CCDC102B: variants seen among roughly 807,000 people sequenced by gnomAD.
The protein encoded by CCDC102B is coiled-coil domain containing 102B.
Under a neutral mutation model 57.4 loss-of-function variants are expected in CCDC102B, and 75 were observed. The observed-to-expected ratio is 1.31, with a 90% CI of 1.08 to 1.58. CCDC102B has a LOEUF of 1.58. Ranked by LOEUF, CCDC102B falls within the 40% of genes most tolerant of loss-of-function variation. The pLI is 0.00. For synonymous variants in CCDC102B, 206 were observed against 201.9 expected, an observed-to-expected ratio of 1.02 and a Z score of -0.17; for missense variants, 636 against 582.6, an observed-to-expected ratio of 1.09 and a Z score of -0.94.
intron 1 of CCDC102B, among the ~76,000 whole-genome samples, chr18:68,809,956 T>C (rs879630111): frequency 1.7e-4 from 26 of 152,170 alleles, no homozygotes; most frequent in Admixed American, 1.7e-3. Flanking sequence ...TACTGAAATG[T>C]TTTTAAAACT....
intron 6 of CCDC102B, among the ~76,000 whole-genome samples, chr18:68,933,989 G>A (rs1568338693): frequency 6.6e-6 from 1 of 151,784 alleles, no homozygotes; most frequent in Non-Finnish European, 1.5e-5. Context: ...AAATGAGACA[G>A]TAAATGCTTT....
intron 2 of CCDC102B, among the ~76,000 whole-genome samples, chr18:68,768,512 A>G (rs1460277124): frequency 2.0e-5 from 3 of 152,168 alleles, no homozygotes; most frequent in Non-Finnish European, 1.5e-5. Flanking sequence ...TGCATTACTG[A>G]TTACTTTCCT....
chr18:68,932,569 T>C (rs2041712689), intron 6 of CCDC102B, among the ~76,000 whole-genome samples: 1 of 151,910 alleles, frequency 6.6e-6, no homozygotes. Flanking sequence ...ACTCCCTTTT[T>C]CCATTTTACA....
At chr18:68,721,989 G>T (rs1213789870) in intron 2 of CCDC102B, among the ~76,000 whole-genome samples, 1 of 152,198 alleles carries the variant, frequency 6.6e-6, no homozygotes. Flanking sequence ...TAATTCAAGT[G>T]GGGCAAGTAC....
At chr18:68,912,695 A>G (rs1026868941) in intron 6 of CCDC102B, among the ~76,000 whole-genome samples, 8 of 152,214 alleles carry the variant, frequency 5.3e-5, no homozygotes, top group Admixed American at 3.9e-4. Context: ...ATGGGACCAG[A>G]GGCTGGAAAG....
chr18:68,766,293 A>G (rs1657885096), intron 2 of CCDC102B, among the ~76,000 whole-genome samples: 1 of 152,200 alleles, frequency 6.6e-6, no homozygotes, highest in Non-Finnish European at 1.5e-5. Flanking sequence ...TAAAAACAGT[A>G]AAACAAGGAC....
chr18:68,866,891 A>T (rs558365783), intron 4 of CCDC102B: 7 of 635,584 alleles, frequency 1.1e-5, no homozygotes, highest in Non-Finnish European at 2.1e-5. Context: ...CTTCCCTCTC[A>T]TGTATCACAC....
chr18:68,977,741 A>G (rs1174381846), intron 6 of CCDC102B, among the ~76,000 whole-genome samples: 2 of 151,964 alleles, frequency 1.3e-5, no homozygotes, highest in African/African-American at 4.8e-5. Context: ...TGGATCTTAC[A>G]ATTAATTTGA....
At chr18:68,813,607 A>G (rs1180274700) in intron 1 of CCDC102B, among the ~76,000 whole-genome samples, 1 of 151,938 alleles carries the variant, frequency 6.6e-6, no homozygotes, top group African/African-American at 2.4e-5. Context: ...AGGGAAGGCC[A>G]GCAGAGAAGA....
At chr18:68,988,754 G>A (rs2050790173) in intron 6 of CCDC102B, among the ~76,000 whole-genome samples, 1 of 152,136 alleles carries the variant, frequency 6.6e-6, no homozygotes, top group African/African-American at 2.4e-5. Flanking sequence ...TGGTGTGCAA[G>A]AAACATTGTA....
intron 5 of CCDC102B, among the ~76,000 whole-genome samples, chr18:68,886,695 T>G (rs560742547): frequency 3.2e-4 from 48 of 152,250 alleles, no homozygotes; most frequent in African/African-American, 1.1e-3. Flanking sequence ...TAGTAACCAT[T>G]TTGATTGTCA....
At chr18:68,742,423 C>T (rs553939434) in intron 2 of CCDC102B, among the ~76,000 whole-genome samples, 1 of 152,308 alleles carries the variant, frequency 6.6e-6, no homozygotes, top group Admixed American at 6.5e-5. Context: ...AATAAAGTCA[C>T]ATTGACACAT....
intron 1 of CCDC102B, among the ~76,000 whole-genome samples, chr18:68,829,785 A>C (rs868513933): frequency 1.3e-5 from 2 of 152,058 alleles, no homozygotes; most frequent in Non-Finnish European, 2.9e-5. Flanking sequence ...TTGCTTAGAA[A>C]ATGTATAGGA....
intron 2 of CCDC102B, among the ~76,000 whole-genome samples, chr18:68,786,886 G>C (rs969767706): frequency 2.0e-5 from 3 of 152,182 alleles, no homozygotes; most frequent in Non-Finnish European, 4.4e-5. Context: ...TGGTGAGAGA[G>C]AGCATCCCTG....
At chr18:68,905,961 T>C (rs2040626728) in intron 6 of CCDC102B, among the ~76,000 whole-genome samples, 1 of 151,558 alleles carries the variant, frequency 6.6e-6, no homozygotes, top group Admixed American at 6.6e-5. Flanking sequence ...GCCCGGCTAA[T>C]TTTTTGTATT....
At chr18:68,766,679 T>A (rs1167611191) in intron 2 of CCDC102B, among the ~76,000 whole-genome samples, 1 of 152,164 alleles carries the variant, frequency 6.6e-6, no homozygotes, top group Non-Finnish European at 1.5e-5. Context: ...GCCCCTTTCT[T>A]TATCTTTTCA....
intron 1 of CCDC102B, among the ~76,000 whole-genome samples, chr18:68,834,937 A>T (rs72951325): frequency 0.11 from 16,080 of 152,014 alleles, 1,051 homozygotes; most frequent in East Asian, 0.33. Flanking sequence ...AAGCAGATGA[A>T]AAAAAGTGAG....
chr18:68,937,796 C>T (rs897198393), intron 6 of CCDC102B, among the ~76,000 whole-genome samples: 4 of 149,370 alleles, frequency 2.7e-5, no homozygotes, highest in Non-Finnish European at 3.0e-5. Context: ...ATGTGATATT[C>T]CCTCCCTGTG....
chr18:68,732,339 C>G (rs1300581879), intron 2 of CCDC102B, among the ~76,000 whole-genome samples: 1 of 149,316 alleles, frequency 6.7e-6, no homozygotes, highest in African/African-American at 2.4e-5. Flanking sequence ...TGAAGGCCTT[C>G]TTTTTTTTTC....
Sources: allele counts gnomAD v4.1 joint callset (sites outside exome capture counted in the v4.1 genomes callset), GRCh38; gene constraint gnomAD v4.1.1; transcripts MANE v1.5; gene names NCBI Gene and HGNC (gene_info 2026-07-23, HGNC 2026-07-21).